The following HEMK2 variants were observed in gnomAD, a reference collection of about 807,000 sequenced individuals.
HEMK2 encodes the protein HemK methyltransferase 2, ETF1 glutamine and histone H4 lysine.
At chr21:28,797,293 T>C in the HEMK2 span, among the ~76,000 whole-genome samples, 1 of 151,884 alleles carries the variant, frequency 6.6e-6, no homozygotes, top group South Asian at 2.1e-4. Flanking sequence ...TTTTAAGATA[T>C]GTATCAAAAA....
At chr21:28,712,353 T>C in the HEMK2 span, among the ~76,000 whole-genome samples, 28 of 152,332 alleles carry the variant, frequency 1.8e-4, 1 homozygote, top group East Asian at 5.2e-3. Flanking sequence ...CAATGTTTAG[T>C]AATAGAGAAG....
At chr21:28,602,536 C>T in the HEMK2 span, among the ~76,000 whole-genome samples, 3 of 152,182 alleles carry the variant, frequency 2.0e-5, no homozygotes, top group African/African-American at 7.2e-5. Context: ...ATCTCTGATG[C>T]TCCCATGCTG....
At chr21:28,777,268 T>C in the HEMK2 span, among the ~76,000 whole-genome samples, 1 of 152,224 alleles carries the variant, frequency 6.6e-6, no homozygotes, top group South Asian at 2.1e-4. Context: ...TAGAATGTCA[T>C]GTGACCTCTT....
the HEMK2 span, among the ~76,000 whole-genome samples, chr21:28,813,553 T>C: frequency 6.6e-6 from 1 of 152,152 alleles, no homozygotes; most frequent in Non-Finnish European, 1.5e-5. Context: ...CCACTGACTT[T>C]CTTCACAGAA....
At chr21:28,593,565 G>A in the HEMK2 span, among the ~76,000 whole-genome samples, 1 of 152,004 alleles carries the variant, frequency 6.6e-6, no homozygotes, top group Non-Finnish European at 1.5e-5. Context: ...CCAGGGCTAG[G>A]GTCAAAATAT....
the HEMK2 span, among the ~76,000 whole-genome samples, chr21:28,763,393 GA>G: frequency 1.3e-5 from 2 of 152,072 alleles, no homozygotes; most frequent in Non-Finnish European, 2.9e-5. Context: ...AAGCAAGAGA[GA>G]GAGCAAGAGG....
At chr21:28,752,753 G>A in the HEMK2 span, among the ~76,000 whole-genome samples, 151 of 152,248 alleles carry the variant, frequency 9.9e-4, no homozygotes, top group African/African-American at 3.5e-3. Flanking sequence ...GAGAGAAAGG[G>A]ATAAAGCCAG....
At chr21:28,879,245 T>C in the HEMK2 span, among the ~76,000 whole-genome samples, 16 of 152,056 alleles carry the variant, frequency 1.1e-4, no homozygotes, top group African/African-American at 3.1e-4. Context: ...CCACCATGCC[T>C]GGCTAATTTT....
At chr21:28,617,778 A>C in the HEMK2 span, among the ~76,000 whole-genome samples, 2 of 136,976 alleles carry the variant, frequency 1.5e-5, no homozygotes, top group Admixed American at 1.5e-4. Flanking sequence ...GGTACTTGGT[A>C]TTCTTGACTG....
At chr21:28,723,263 A>C in the HEMK2 span, among the ~76,000 whole-genome samples, 1 of 152,100 alleles carries the variant, frequency 6.6e-6, no homozygotes, top group Non-Finnish European at 1.5e-5. Context: ...AGATCCTTCC[A>C]TCTCAGCCTC....
chr21:28,845,792 T>C, the HEMK2 span, among the ~76,000 whole-genome samples: 18 of 152,142 alleles, frequency 1.2e-4, no homozygotes, highest in African/African-American at 4.3e-4. Flanking sequence ...TCTCTTTTTT[T>C]TCTTTAAAGT....
At chr21:28,595,493 T>C in the HEMK2 span, among the ~76,000 whole-genome samples, 1 of 152,232 alleles carries the variant, frequency 6.6e-6, no homozygotes, top group Non-Finnish European at 1.5e-5. Context: ...TTCATCCATG[T>C]TGTTGCAAAT....
chr21:28,803,163 C>T, the HEMK2 span, among the ~76,000 whole-genome samples: 1 of 152,140 alleles, frequency 6.6e-6, no homozygotes, highest in African/African-American at 2.4e-5. Flanking sequence ...TCTCAAAAAC[C>T]CAGGCAGCAG....
the HEMK2 span, chr21:28,626,702 G>A: frequency 6.6e-6 from 1 of 151,958 alleles, no homozygotes; most frequent in South Asian, 2.1e-4. Context: ...AATGAAATAA[G>A]TTAAAAATTT....
chr21:28,594,618 A>AG, the HEMK2 span, among the ~76,000 whole-genome samples: 1 of 152,192 alleles, frequency 6.6e-6, no homozygotes, highest in Non-Finnish European at 1.5e-5. Flanking sequence ...CCCCAACAGT[A>AG]GGGGGTAGTT....
the HEMK2 span, among the ~76,000 whole-genome samples, chr21:28,723,425 C>T: frequency 6.6e-6 from 1 of 152,178 alleles, no homozygotes; most frequent in Non-Finnish European, 1.5e-5. Flanking sequence ...GCAGGTGTTG[C>T]TGAACCGCAT....
chr21:28,710,528 C>T, the HEMK2 span, among the ~76,000 whole-genome samples: 1 of 152,176 alleles, frequency 6.6e-6, no homozygotes, highest in African/African-American at 2.4e-5. Flanking sequence ...CCACAAATCA[C>T]CTAAATACTT....
At chr21:28,721,079 C>T in the HEMK2 span, among the ~76,000 whole-genome samples, 3 of 152,042 alleles carry the variant, frequency 2.0e-5, no homozygotes, top group African/African-American at 4.8e-5. Context: ...ATTGAGATGT[C>T]GATTTCAGAC....
chr21:28,785,717 C>T, the HEMK2 span, among the ~76,000 whole-genome samples: 1 of 152,100 alleles, frequency 6.6e-6, no homozygotes, highest in Non-Finnish European at 1.5e-5. Context: ...ATCCTCATAG[C>T]CCCAGCCGAC....
Sources: allele counts gnomAD v4.1 joint callset (sites outside exome capture counted in the v4.1 genomes callset), GRCh38; gene constraint gnomAD v4.1.1; transcripts MANE v1.5; gene names NCBI Gene and HGNC (gene_info 2026-07-23, HGNC 2026-07-21).